ZNF362: variants seen among roughly 807,000 people sequenced by gnomAD.
ZNF362 encodes rotund homolog.
In ZNF362, 11 loss-of-function variants were observed where a neutral mutation model predicts 42.9. The ratio of observed to expected loss-of-function variants is 0.26; its 90% CI spans 0.16 to 0.42. ZNF362 has a LOEUF of 0.42. Among genes scored for constraint, ZNF362 ranks in the 20% least tolerant of loss-of-function variants. The probability of loss-of-function intolerance (pLI) is 1.00; values close to 1 mark genes in which losing one functional copy is unlikely to be tolerated. For synonymous variants in ZNF362, 255 were observed against 257.3 expected (o/e 0.99, Z 0.09); for missense variants, 362 against 576.2 (o/e 0.63, Z 3.81).
the ZNF362 span, among the ~76,000 whole-genome samples, chr1:33,181,842 G>A: frequency 6.6e-6 from 1 of 151,514 alleles, no homozygotes; most frequent in Non-Finnish European, 1.5e-5. This position sits in a 1 kb window ranked among gnomAD's most constrained non-coding sequence, Gnocchi z 6.5. Flanking sequence ...GGCGGTGCGG[G>A]GAGGGCGAGA....
At position 33,266,918 on chromosome 1, in the gene ZNF362, A is replaced by G. The variant is rs949030822; in HGVS notation, c.-88-3569A>G. Among the ~76,000 whole-genome samples, 2 of 152,232 alleles carry G rather than the reference A, an allele frequency of 1.3e-5. No homozygotes were observed. The highest frequency in any genetic ancestry group is 4.8e-5 in the African/African-American group (2 of 41,466). On this transcript the variant is annotated intron_variant, in intron 1 of 8. Coordinates refer to ENST00000539719, the MANE Select transcript of ZNF362 (RefSeq NM_152493.3). The surrounding 1 kb of genome is among the most constrained non-coding windows in gnomAD (Gnocchi z 4.3). ...GACTGTGGAGTTTGAACTATACCCC[A>G]AAAGTGATGGGAATCCAAGAAGGAT...
chr1:33,271,503 A>G (rs543925062), intron 2 of ZNF362, among the ~76,000 whole-genome samples: 1 of 152,192 alleles, frequency 6.6e-6, no homozygotes, highest in Non-Finnish European at 1.5e-5. Context: ...GCCCAAGATC[A>G]CACAGCTGGT....
chr1:33,274,452 C>G (rs1206052330), intron 2 of ZNF362, among the ~76,000 whole-genome samples: 1 of 152,146 alleles, frequency 6.6e-6, no homozygotes, highest in African/African-American at 2.4e-5. Context: ...GGATATGTCC[C>G]AGGGGTCTGG....
the ZNF362 span, among the ~76,000 whole-genome samples, chr1:33,136,741 C>T: frequency 5.3e-5 from 8 of 151,320 alleles, no homozygotes; most frequent in East Asian, 8.0e-4. Flanking sequence ...GGCTCACGCC[C>T]GTAATCCCAG....
chr1:33,260,504 T>G (rs906231539), intron 1 of ZNF362, among the ~76,000 whole-genome samples: 1 of 152,226 alleles, frequency 6.6e-6, no homozygotes, highest in Non-Finnish European at 1.5e-5. Flanking sequence ...TTGGACCACT[T>G]GCTCTAAAAT....
chr1:33,168,512 G>C, the ZNF362 span, among the ~76,000 whole-genome samples: 3 of 152,172 alleles, frequency 2.0e-5, 1 homozygote, highest in Admixed American at 6.5e-5. Context: ...CACACAATCA[G>C]CTCTCAGGAG....
intron 1 of ZNF362, among the ~76,000 whole-genome samples, chr1:33,257,837 C>T (rs1454865548): frequency 1.3e-5 from 2 of 152,156 alleles, no homozygotes; most frequent in Non-Finnish European, 2.9e-5. Flanking sequence ...TCATGGGTGG[C>T]CAGGACCCCC....
the ZNF362 span, among the ~76,000 whole-genome samples, chr1:33,155,445 A>G: frequency 6.6e-6 from 1 of 152,228 alleles, no homozygotes; most frequent in Admixed American, 6.5e-5. Context: ...GCCAGATGGA[A>G]GAAACTCTGA....
chr1:33,147,870 C>T, the ZNF362 span: 1 of 884,558 alleles, frequency 1.1e-6, no homozygotes, highest in South Asian at 1.8e-5. The surrounding 1 kb of genome is among the most constrained non-coding windows in gnomAD (Gnocchi z 8.1). Context: ...AGTCTGCCCT[C>T]TCTGGGCCTC....
chr1:33,278,766 T>C (rs771821038), intron 4 of ZNF362, among the ~76,000 whole-genome samples: 4 of 152,218 alleles, frequency 2.6e-5, no homozygotes, highest in Non-Finnish European at 2.9e-5. Context: ...ACCTGACAGC[T>C]CATTTCGACC....
At chr1:33,133,961 C>T in the ZNF362 span, among the ~76,000 whole-genome samples, 123 of 152,224 alleles carry the variant, frequency 8.1e-4, no homozygotes, top group Admixed American at 2.7e-3. Context: ...CTCAACCTGG[C>T]GAGCTGCCTC....
chr1:33,144,937 C>T, the ZNF362 span, among the ~76,000 whole-genome samples: 1 of 152,256 alleles, frequency 6.6e-6, no homozygotes, highest in African/African-American at 2.4e-5. Flanking sequence ...CTGCACTTTA[C>T]AGCTTACCAA....
the ZNF362 span, among the ~76,000 whole-genome samples, chr1:33,189,860 T>C: frequency 6.6e-6 from 1 of 151,540 alleles, no homozygotes; most frequent in African/African-American, 2.4e-5. Context: ...AATTAAGTAT[T>C]CAGGGATGGG....
the ZNF362 span, among the ~76,000 whole-genome samples, chr1:33,129,142 G>T: frequency 1.3e-5 from 2 of 152,190 alleles, no homozygotes; most frequent in South Asian, 4.1e-4. The surrounding 1 kb of genome is among the most constrained non-coding windows in gnomAD (Gnocchi z 4.1). Context: ...CGGAGTATAG[G>T]ATGGAAGGTA....
the ZNF362 span, among the ~76,000 whole-genome samples, chr1:33,127,919 A>G: frequency 6.6e-6 from 1 of 151,690 alleles, no homozygotes; most frequent in Non-Finnish European, 1.5e-5. Context: ...AATGACAAGG[A>G]CTCCTACCCT....
the ZNF362 span, among the ~76,000 whole-genome samples, chr1:33,237,369 C>T: frequency 6.6e-6 from 1 of 152,112 alleles, no homozygotes; most frequent in East Asian, 1.9e-4. Flanking sequence ...GGCTTGATTG[C>T]AACAGACACT....
At chr1:33,175,049 A>ATATGTATATGTATATGTG in the ZNF362 span, among the ~76,000 whole-genome samples, 1 of 150,820 alleles carries the variant, frequency 6.6e-6, no homozygotes, top group African/African-American at 2.4e-5. Context: ...ATGTATATGT[A>ATATGTATATGTATATGTG]TTTTTTTTAA....
chr1:33,241,640 T>G, the ZNF362 span, among the ~76,000 whole-genome samples: 1 of 152,044 alleles, frequency 6.6e-6, no homozygotes, highest in African/African-American at 2.4e-5. Context: ...AACTATGCAA[T>G]AACAAATCAT....
rs1050334272 is a variant in ZNF362 at position 33,281,038 on chromosome 1, C to G, written c.684-549C>G. 1.3e-5 allele frequency among the ~76,000 whole-genome samples: 2 copies of G among 151,136 alleles called. No homozygotes were observed. Among genetic ancestry groups the G allele is most frequent in the Non-Finnish European group, 2.9e-5 (2 of 67,862 alleles). On this transcript the variant is annotated intron_variant, in intron 5 of 8. Coordinates refer to ENST00000539719, the MANE Select transcript of ZNF362 (RefSeq NM_152493.3). This position sits in a 1 kb window ranked among gnomAD's most constrained non-coding sequence, Gnocchi z 4.8. ...GAGCCGAGGTCGGGCCACTGCACTCCAACCTGGGTGACAGGGTGAGACTCT... is the reference window on the plus strand; with the variant it reads ...GAGCCGAGGTCGGGCCACTGCACTCGAACCTGGGTGACAGGGTGAGACTCT...
Sources: gnomAD v4.1 joint callset for allele counts (sites outside exome capture counted in the v4.1 genomes callset) on GRCh38, gnomAD v4.1.1 for gene constraint, Gnocchi (gnomAD v3.1) non-coding constraint, MANE v1.5 for transcripts, NCBI Gene and HGNC (gene_info 2026-07-23, HGNC 2026-07-21) for gene names.